CSMD1: variants seen among roughly 807,000 people sequenced by gnomAD.
CSMD1 encodes the protein CUB and Sushi multiple domains 1.
Under a neutral mutation model 417.5 loss-of-function variants are expected in CSMD1, and 213 were observed. The ratio of observed to expected loss-of-function variants is 0.51; its 90% CI spans 0.46 to 0.57. CSMD1 has a LOEUF of 0.57. CSMD1 is among the 20% of genes least tolerant of loss of function. The pLI is 0.00. For missense variants in CSMD1, 6,923 were observed against 4,529.7 expected (o/e 1.53, Z -15.17); for synonymous variants, 2,862 against 1,736.8 (o/e 1.65, Z -16.11).
At chr8:4,648,066 C>T (rs1803649125) in intron 1 of CSMD1, among the ~76,000 whole-genome samples, 1 of 152,202 alleles carries the variant, frequency 6.6e-6, no homozygotes, top group South Asian at 2.1e-4. Flanking sequence ...TCCACAGTCT[C>T]ACAAGCATCT....
rs145040498 is a variant in CSMD1 at position 4,014,266 on chromosome 8, G to A, written c.611-16156C>T. On this transcript the variant is annotated intron_variant, in intron 4 of 69. Transcript: ENST00000635120. ...AGAAGCAACAAACACAGTGCTATAT[G>A]TACAGAGACACTAATTATGGCATTG... Among the ~76,000 whole-genome samples the A allele has an allele frequency of 3.4e-3, 511 of 152,314 alleles. 4 individuals are homozygous for A. The highest frequency in any genetic ancestry group is 0.011 in the African/African-American group (469 of 41,544).
At chr8:3,191,929 G>C (rs558197217) in intron 33 of CSMD1, among the ~76,000 whole-genome samples, 1 of 152,060 alleles carries the variant, frequency 6.6e-6, no homozygotes, top group Admixed American at 6.5e-5. Flanking sequence ...GAATGTTCTC[G>C]TATATGAATT....
chr8:4,988,835 A>G (rs1443465088), intron 1 of CSMD1, among the ~76,000 whole-genome samples: 14 of 152,236 alleles, frequency 9.2e-5, no homozygotes, highest in Admixed American at 9.2e-4. Context: ...GAGGGAAAAA[A>G]CAAGGTGTGC....
At chr8:4,112,713 G>T (rs1585338679) in intron 3 of CSMD1, among the ~76,000 whole-genome samples, 1 of 152,178 alleles carries the variant, frequency 6.6e-6, no homozygotes, top group Non-Finnish European at 1.5e-5. Flanking sequence ...AAGTGATATG[G>T]AGATTTAATT....
intron 25 of CSMD1, among the ~76,000 whole-genome samples, chr8:3,289,584 G>A (rs577945261): frequency 0.16 from 6,780 of 41,508 alleles, 1,483 homozygotes; most frequent in African/African-American, 0.29. Context: ...CGGTGATGAT[G>A]AGCATTTTTT....
chr8:3,567,079 G>T (rs959092661), intron 10 of CSMD1, among the ~76,000 whole-genome samples: 3 of 152,208 alleles, frequency 2.0e-5, no homozygotes, highest in African/African-American at 7.2e-5. Context: ...GTATACCATG[G>T]AATACTATGC....
chr8:3,378,367 A>C (rs1448838542), intron 18 of CSMD1, among the ~76,000 whole-genome samples: 2 of 152,100 alleles, frequency 1.3e-5, no homozygotes, highest in East Asian at 3.9e-4. Flanking sequence ...CCAGACAATA[A>C]AAAAGAGGGA....
intron 3 of CSMD1, among the ~76,000 whole-genome samples, chr8:4,350,775 G>C (rs1801045257): frequency 1.3e-5 from 2 of 152,104 alleles, no homozygotes; most frequent in South Asian, 4.2e-4. Context: ...AATTTAAGTA[G>C]GTTATTTTTA....
intron 1 of CSMD1, among the ~76,000 whole-genome samples, chr8:4,906,044 T>C (rs1231446962): frequency 7.2e-5 from 11 of 151,988 alleles, no homozygotes; most frequent in Admixed American, 7.2e-4. Context: ...TATTAAAAAA[T>C]ATACTGTAAG....
chr8:4,313,653 C>A (rs548224993), intron 3 of CSMD1, among the ~76,000 whole-genome samples: 1 of 152,088 alleles, frequency 6.6e-6, no homozygotes, highest in East Asian at 1.9e-4. Flanking sequence ...CATGTAAATT[C>A]ACTTTAGAGA....
At chr8:4,208,098 C>T (rs907869678) in intron 3 of CSMD1, among the ~76,000 whole-genome samples, 1 of 152,076 alleles carries the variant, frequency 6.6e-6, no homozygotes, top group African/African-American at 2.4e-5. Flanking sequence ...AATGCAATAT[C>T]AGGACAAGCA....
intron 1 of CSMD1, among the ~76,000 whole-genome samples, chr8:4,851,054 A>G (rs999818536): frequency 2.0e-5 from 3 of 151,848 alleles, no homozygotes; most frequent in Non-Finnish European, 4.4e-5. Flanking sequence ...ACCCATTAAC[A>G]CATCATTTAG....
intron 7 of CSMD1, among the ~76,000 whole-genome samples, chr8:3,694,987 T>G (rs1231419501): frequency 6.6e-6 from 1 of 151,988 alleles, no homozygotes; most frequent in Non-Finnish European, 1.5e-5. Flanking sequence ...TACCTGAGTT[T>G]TTAAAGATGA....
intron 7 of CSMD1, among the ~76,000 whole-genome samples, chr8:3,689,465 G>A (rs973307051): frequency 6.6e-6 from 1 of 152,208 alleles, no homozygotes; most frequent in Admixed American, 6.5e-5. Flanking sequence ...GACGTAGAAA[G>A]ATTCTTGAAG....
At chr8:3,102,869 T>C (rs1197301024) in intron 46 of CSMD1, among the ~76,000 whole-genome samples, 1 of 152,144 alleles carries the variant, frequency 6.6e-6, no homozygotes, top group Non-Finnish European at 1.5e-5. Context: ...CATGACAAGA[T>C]AACAAAAGAA....
At chr8:3,871,173 T>G (rs926411947) in intron 5 of CSMD1, among the ~76,000 whole-genome samples, 1 of 152,232 alleles carries the variant, frequency 6.6e-6, no homozygotes, top group East Asian at 1.9e-4. Flanking sequence ...ATTTGCCTTC[T>G]AATGCAAATG....
At chr8:4,436,720 T>A (rs1328870204) in intron 2 of CSMD1, among the ~76,000 whole-genome samples, 1 of 152,138 alleles carries the variant, frequency 6.6e-6, no homozygotes, top group Non-Finnish European at 1.5e-5. Flanking sequence ...CCTATGTCCA[T>A]GAGTTTAATT....
In CSMD1 at chr8:4,789,083, T is replaced by A. The variant is rs373403959; in HGVS notation, c.86-151525A>T. ...ACTTCTTGGGACCTCAGAATCACCA[T>A]CCAGAAAAGGTAATCATGAGAAAGC... On this transcript the variant is annotated intron_variant, in intron 1 of 69. Transcript: ENST00000635120. Among the ~76,000 whole-genome samples the A allele has an allele frequency of 1.2e-4, 19 of 152,298 alleles. No homozygotes were observed. In the South Asian group the frequency reaches 3.3e-3, roughly 27 times the overall value.
intron 1 of CSMD1, among the ~76,000 whole-genome samples, chr8:4,871,090 C>A: frequency 6.6e-6 from 1 of 152,070 alleles, no homozygotes; most frequent in East Asian, 1.9e-4. Context: ...TGGCCTGGGC[C>A]ATGGGAGGAG....
Sources: allele counts gnomAD v4.1 joint callset (sites outside exome capture counted in the v4.1 genomes callset), GRCh38; gene constraint gnomAD v4.1.1; transcripts MANE v1.5; gene names NCBI Gene and HGNC (gene_info 2026-07-23, HGNC 2026-07-21).